The following COL4A2 variants were observed in gnomAD, a reference collection of about 807,000 sequenced individuals.
COL4A2 encodes collagen type IV alpha 2 chain, also known as collagen alpha-2(IV) chain.
Under a neutral mutation model 200.2 loss-of-function variants are expected in COL4A2, and 99 were observed. The observed-to-expected ratio is 0.49, with a 90% confidence interval of 0.42 to 0.58. The LOEUF (loss-of-function observed/expected upper bound fraction) is 0.58. Among genes scored for constraint, COL4A2 ranks in the 20% least tolerant of loss-of-function variants. The pLI is 0.00. For synonymous variants in COL4A2, 897 were observed against 900.6 expected (o/e 1.00, Z 0.07); for missense variants, 1,950 against 2,314.1 (o/e 0.84, Z 3.23).
intron 4 of COL4A2, among the ~76,000 whole-genome samples, chr13:110,411,275 A>C (rs984289681): frequency 1.8e-4 from 27 of 152,312 alleles, no homozygotes; most frequent in African/African-American, 5.8e-4. Flanking sequence ...TAAACAGCCA[A>C]CCTTTTTAGC....
intron 40 of COL4A2, among the ~76,000 whole-genome samples, chr13:110,501,075 C>A (rs1883621302): frequency 6.6e-6 from 1 of 152,170 alleles, no homozygotes; most frequent in African/African-American, 2.4e-5. Context: ...CATTTTGCCT[C>A]TGTGTATATC....
At chr13:110,459,146 A>T in intron 22 of COL4A2, 1 of 471,430 alleles carries the variant, frequency 2.1e-6, no homozygotes, top group East Asian at 3.5e-5. Flanking sequence ...CTGCTGTGGG[A>T]ACCGCAGCCG....
At chr13:110,336,427 T>C (rs1005694003) in intron 3 of COL4A2, among the ~76,000 whole-genome samples, 2 of 152,198 alleles carry the variant, frequency 1.3e-5, no homozygotes, top group Non-Finnish European at 2.9e-5. Flanking sequence ...AAATGCATCT[T>C]AGAAGAGGCC....
At chr13:110,336,731 G>C (rs547519406) in intron 3 of COL4A2, among the ~76,000 whole-genome samples, 1 of 152,272 alleles carries the variant, frequency 6.6e-6, no homozygotes, top group African/African-American at 2.4e-5. Flanking sequence ...CCTTCCCGAG[G>C]ATGTTTGAAC....
chr13:110,312,084 G>T (rs1885000447), intron 3 of COL4A2, among the ~76,000 whole-genome samples: 2 of 152,202 alleles, frequency 1.3e-5, no homozygotes, highest in Admixed American at 6.5e-5. Context: ...GCATTTCCTG[G>T]AGCTGAAGCG....
At position 110,315,661 on chromosome 13, in the gene COL4A2, G is replaced by A. The variant is rs571734402; in HGVS notation, c.99+7538G>A. Reference sequence around the variant, plus strand: ...TCCGCCTACCTCAGCCTCCCAAAGTGCTGGGATTACAGGCATGAGCCACCA... The same window carrying A: ...TCCGCCTACCTCAGCCTCCCAAAGTACTGGGATTACAGGCATGAGCCACCA... On this transcript the variant is annotated intron_variant, in intron 3 of 47. Coordinates refer to ENST00000360467, the MANE Select transcript of COL4A2 (RefSeq NM_001846.4). Among the ~76,000 whole-genome samples the A allele has an allele frequency of 5.3e-5, 8 of 152,308 alleles. No homozygotes were observed. In the South Asian group the frequency reaches 1.7e-3, roughly 32 times the overall value.
In COL4A2 at chr13:110,450,549, T is replaced by G; in HGVS notation, c.1339+95T>G. Reference sequence around the variant, plus strand: ...TATTTGGGATTCTCTGCTAAATGACTCTGGGAACGAATCCAGTAGGCCAGT... The same window carrying G: ...TATTTGGGATTCTCTGCTAAATGACGCTGGGAACGAATCCAGTAGGCCAGT... On this transcript the variant is annotated intron_variant, in intron 20 of 47. Coordinates refer to ENST00000360467, the MANE Select transcript of COL4A2 (RefSeq NM_001846.4). The G allele has an allele frequency of 3.5e-6, 5 of 1,440,156 alleles. No individual in the cohort carries two copies. The South Asian group carries it at 4.9e-5, about 14-fold the overall frequency. The allele number at this position is 1,440,156 out of a possible 1,614,324, so 89.2% of individuals were successfully genotyped here.
At chr13:110,397,621 C>G (rs1330032767) in intron 4 of COL4A2, among the ~76,000 whole-genome samples, 2 of 152,166 alleles carry the variant, frequency 1.3e-5, no homozygotes, top group South Asian at 2.1e-4. Flanking sequence ...TGAACTACCA[C>G]TTGCAAATCG....
At chr13:110,483,589 G>A (rs148354970) in intron 32 of COL4A2, among the ~76,000 whole-genome samples, 12 of 152,386 alleles carry the variant, frequency 7.9e-5, no homozygotes, top group South Asian at 6.2e-4. Flanking sequence ...CAGACATGGC[G>A]CGTGGGCGAG....
chr13:110,474,142 GAAA>G (rs1882586988), intron 29 of COL4A2, among the ~76,000 whole-genome samples: 1 of 151,982 alleles, frequency 6.6e-6, no homozygotes, highest in Admixed American at 6.6e-5. Flanking sequence ...GAAAAGAAAA[GAAA>G]AGAAAATGTG....
intron 4 of COL4A2, among the ~76,000 whole-genome samples, chr13:110,385,123 G>T (rs1375191630): frequency 2.0e-5 from 3 of 152,112 alleles, no homozygotes; most frequent in South Asian, 2.1e-4. Flanking sequence ...TTAGCCAGGC[G>T]CAGTGGCGGG....
At chr13:110,323,051 A>T (rs1476661120) in intron 3 of COL4A2, among the ~76,000 whole-genome samples, 1 of 152,194 alleles carries the variant, frequency 6.6e-6, no homozygotes, top group Non-Finnish European at 1.5e-5. Context: ...GTTACAACCA[A>T]CCCAGCCTGG....
intron 22 of COL4A2, chr13:110,459,751 A>G (rs1349043031): frequency 6.6e-6 from 1 of 152,210 alleles, no homozygotes; most frequent in Non-Finnish European, 1.5e-5. Flanking sequence ...TCTCAAAAAA[A>G]CCTATCATTT....
chr13:110,389,111 C>A (rs1033555850), intron 4 of COL4A2, among the ~76,000 whole-genome samples: 1 of 152,170 alleles, frequency 6.6e-6, no homozygotes, highest in African/African-American at 2.4e-5. Flanking sequence ...CTTCTCCCAA[C>A]CCATGCAGGA....
chr13:110,466,969 G>T, intron 26 of COL4A2, 71 bp from the exon 27 acceptor site: 2 of 1,598,776 alleles, frequency 1.3e-6, no homozygotes, highest in South Asian at 1.1e-5. Context: ...TTTGCCCTTG[G>T]GGATCCCCAA....
Position 110,491,319 on chromosome 13 carries a change from C to A in COL4A2, c.3433C>A (p.Pro1145Thr). 6.3e-7 allele frequency: 1 copy of A among 1,590,798 alleles called. No individual in the cohort carries two copies. Among genetic ancestry groups the A allele is most frequent in the Non-Finnish European group, 8.6e-7 (1 of 1,167,228 alleles). ...ITGVTGVQGPPGLKGQTGFPG... is the reference protein window; with the variant it reads ...ITGVTGVQGPTGLKGQTGFPG... Reference sequence around the variant, plus strand: ...AGGCGTGACTGGAGTCCAAGGCCCTCCTGGACTTAAAGGACAAACAGGTAA... The same window carrying A: ...AGGCGTGACTGGAGTCCAAGGCCCTACTGGACTTAAAGGACAAACAGGTAA... The change falls in exon 37 of 48, where the codon CCT becomes ACT. Residue 1145 changes from proline to threonine, a missense_variant. By Grantham distance (38) the Pro-to-Thr change is conservative (BLOSUM62 -1). This residue lies in a region of COL4A2 where 1,385 missense variants were observed against 1,720.5 expected (regional missense o/e 0.80). Transcript: ENST00000360467.
chr13:110,495,522 A>T, intron 40 of COL4A2, 55 bp downstream of exon 40: 1 of 1,583,656 alleles, frequency 6.3e-7, no homozygotes, highest in Non-Finnish European at 8.6e-7. Context: ...GAACCCACCC[A>T]GAGGTGGGGC....
chr13:110,373,261 C>A (rs376914809), intron 4 of COL4A2, among the ~76,000 whole-genome samples: 1 of 152,172 alleles, frequency 6.6e-6, no homozygotes, highest in Non-Finnish European at 1.5e-5. Flanking sequence ...GTGTTGTGAA[C>A]GCATTTTTTA....
At chr13:110,444,058 A>G (rs113430091) in intron 16 of COL4A2, among the ~76,000 whole-genome samples, 3 of 152,162 alleles carry the variant, frequency 2.0e-5, no homozygotes, top group African/African-American at 7.2e-5. Flanking sequence ...ACTCCCCTGG[A>G]AAGTTTTAGC....
Sources: allele counts gnomAD v4.1 joint callset (sites outside exome capture counted in the v4.1 genomes callset), GRCh38; gene constraint gnomAD v4.1.1; regional missense constraint gnomAD v4.1.1; transcripts MANE v1.5; gene names NCBI Gene and HGNC (gene_info 2026-07-23, HGNC 2026-07-21).